ANO10: variants seen among roughly 807,000 people sequenced by gnomAD.
ANO10 encodes anoctamin 10.
A neutral mutation model predicts 74.7 loss-of-function variants in ANO10; 77 were observed. That is an observed-to-expected ratio of 1.03 (90% CI 0.86 to 1.25). ANO10 has a LOEUF of 1.25. Among genes scored for constraint, ANO10 ranks in the 50% most tolerant of loss-of-function variants. The pLI is 0.00. For synonymous variants in ANO10, 279 were observed against 284.9 expected (o/e 0.98, Z 0.21); for missense variants, 721 against 778.1 (o/e 0.93, Z 0.87).
intron 11 of ANO10, among the ~76,000 whole-genome samples, chr3:43,530,019 T>C (rs982090403): frequency 1.3e-5 from 2 of 152,084 alleles, no homozygotes; most frequent in East Asian, 1.9e-4. Context: ...CCCAATTCTA[T>C]GCTGTATACA....
chr3:43,542,310 G>A (rs1344668056), intron 11 of ANO10, among the ~76,000 whole-genome samples: 1 of 152,004 alleles, frequency 6.6e-6, no homozygotes, highest in East Asian at 1.9e-4. Context: ...AGGGAGGGAG[G>A]GCTAGGCTGA....
intron 1 of ANO10, chr3:43,691,141 T>A (rs1203553856): frequency 6.7e-6 from 8 of 1,185,284 alleles, no homozygotes; most frequent in Middle Eastern, 2.6e-4. Context: ...GCCGCCCGCC[T>A]GGCGACGACG....
intron 12 of ANO10, among the ~76,000 whole-genome samples, chr3:43,416,329 GT>G (rs1411126439): frequency 9.9e-5 from 15 of 152,148 alleles, no homozygotes; most frequent in Non-Finnish European, 1.9e-4. Flanking sequence ...TTCCAAACTG[GT>G]TTGGGAGAGA....
At chr3:43,402,433 T>C (rs2092499239) in intron 12 of ANO10, among the ~76,000 whole-genome samples, 1 of 152,170 alleles carries the variant, frequency 6.6e-6, no homozygotes, top group African/African-American at 2.4e-5. Flanking sequence ...TACATAATAT[T>C]ACTTTGCATA....
chr3:43,631,018 A>G (rs1440639962), intron 1 of ANO10, among the ~76,000 whole-genome samples: 1 of 152,124 alleles, frequency 6.6e-6, no homozygotes, highest in Non-Finnish European at 1.5e-5. Context: ...AAGGAGTTTG[A>G]CTGATGGTTC....
At chr3:43,524,832 C>T (rs2078118697) in intron 11 of ANO10, among the ~76,000 whole-genome samples, 1 of 152,182 alleles carries the variant, frequency 6.6e-6, no homozygotes, top group African/African-American at 2.4e-5. Flanking sequence ...CCCTAACACA[C>T]AGTGTATCCA....
At chr3:43,663,782 T>C (rs538059343) in intron 1 of ANO10, among the ~76,000 whole-genome samples, 4 of 152,288 alleles carry the variant, frequency 2.6e-5, no homozygotes, top group East Asian at 1.9e-4. Context: ...CCATTCACAA[T>C]TGCTACTAAG....
chr3:43,649,976 G>A (rs947311021), intron 1 of ANO10, among the ~76,000 whole-genome samples: 6 of 152,194 alleles, frequency 3.9e-5, no homozygotes, highest in African/African-American at 1.2e-4. Flanking sequence ...GTGCTACAGT[G>A]CACTCTTTTA....
At chr3:43,485,154 C>A in intron 11 of ANO10, 1 of 764,704 alleles carries the variant, frequency 1.3e-6, no homozygotes, top group Admixed American at 1.9e-5. Flanking sequence ...GGAGTGGGCC[C>A]TGGCGCGGTA....
chr3:43,580,058 T>C (rs867597210), intron 5 of ANO10, among the ~76,000 whole-genome samples: 3 of 151,386 alleles, frequency 2.0e-5, no homozygotes, highest in African/African-American at 4.9e-5. Context: ...GATGGGAGGA[T>C]TGATTAAGTC....
intron 1 of ANO10, among the ~76,000 whole-genome samples, chr3:43,617,108 G>A (rs1481944701): frequency 6.7e-6 from 1 of 149,784 alleles, no homozygotes; most frequent in African/African-American, 2.5e-5. Context: ...ACTGAGTTCT[G>A]GAATCTACTT....
At chr3:43,458,854 T>A (rs1191262095) in intron 11 of ANO10, among the ~76,000 whole-genome samples, 1 of 152,186 alleles carries the variant, frequency 6.6e-6, no homozygotes, top group African/African-American at 2.4e-5. Flanking sequence ...TTCCCCTCCC[T>A]GTGTCCATGT....
At chr3:43,633,154 C>T (rs1006620882) in intron 1 of ANO10, among the ~76,000 whole-genome samples, 3 of 152,086 alleles carry the variant, frequency 2.0e-5, no homozygotes, top group Non-Finnish European at 2.9e-5. Context: ...CTCGTCCCCC[C>T]GGAAAGAAAT....
rs567471899 is a variant in ANO10 at position 43,587,731 on chromosome 3, TCTC to T, written c.473-7262_473-7260del. Among the ~76,000 whole-genome samples, 806 of 152,102 alleles carry T rather than the reference TCTC, an allele frequency of 5.3e-3. 7 individuals carry two copies. The highest frequency in any genetic ancestry group is 0.018 in the African/African-American group (745 of 41,482). Reference sequence around the variant, plus strand: ...AATCAAGATCCGACATCCCATAAGATCTCCTGCTAATGGGTGACACAGTAATAT... The same window carrying T: ...AATCAAGATCCGACATCCCATAAGATCTGCTAATGGGTGACACAGTAATAT... On this transcript the variant is annotated intron_variant, in intron 4 of 12. Coordinates refer to ENST00000292246, the MANE Select transcript of ANO10 (RefSeq NM_018075.5).
Position 43,374,404 on chromosome 3 carries a change from T to C in ANO10, c.1915-7430A>G, listed in dbSNP as rs1488259069. Among the ~76,000 whole-genome samples, 4 of 152,310 alleles carry C rather than the reference T, an allele frequency of 2.6e-5. No homozygotes were observed. In the East Asian group the frequency reaches 7.7e-4, roughly 29 times the overall value. On this transcript the variant is annotated intron_variant, in intron 12 of 12. Transcript: ENST00000292246. ...AACCACCCTATGAGAGACATACCAT[T>C]ATGATTTTAAAGAAAAAACAGAGGC...
chr3:43,620,013 C>A lies in ANO10; in HGVS notation c.-12+1896G>T, dbSNP rs531779367. ...TATTGTGAGCTTTTAACCATTAAAA[C>A]AAAGGTTTACTGCTTATAAAAACAG... On this transcript the variant is annotated intron_variant, in intron 1 of 12. Transcript: ENST00000292246. Among the ~76,000 whole-genome samples, 78 of 151,810 alleles carry A rather than the reference C, an allele frequency of 5.1e-4. 1 individual carries two copies. The highest frequency in any genetic ancestry group is 1.1e-3 in the Non-Finnish European group (72 of 67,940).
intron 12 of ANO10, among the ~76,000 whole-genome samples, chr3:43,367,491 A>G (rs949810917): frequency 5.9e-5 from 9 of 152,122 alleles, no homozygotes; most frequent in African/African-American, 2.2e-4. Flanking sequence ...GTTTCTCACC[A>G]GCCTTTTGTC....
chr3:43,484,802 G>C (rs1575226091), intron 11 of ANO10, among the ~76,000 whole-genome samples: 1 of 152,308 alleles, frequency 6.6e-6, no homozygotes, highest in Non-Finnish European at 1.5e-5. Flanking sequence ...GGTCCATTCA[G>C]TTGGTGGGGG....
chr3:43,420,950 C>T (rs571778190), intron 12 of ANO10, among the ~76,000 whole-genome samples: 27 of 152,334 alleles, frequency 1.8e-4, no homozygotes, highest in African/African-American at 6.3e-4. Flanking sequence ...GGGCCAAGCA[C>T]GGTGGCTCAC....
Sources: gnomAD v4.1 joint callset for allele counts (sites outside exome capture counted in the v4.1 genomes callset) on GRCh38, gnomAD v4.1.1 for gene constraint, MANE v1.5 for transcripts, NCBI Gene and HGNC (gene_info 2026-07-23, HGNC 2026-07-21) for gene names.